Variants in ANKIB1 observed in about 807,000 individuals in gnomAD.
ANKIB1 encodes ankyrin repeat and IBR domain-containing protein 1.
A neutral mutation model predicts 122.1 loss-of-function variants in ANKIB1; 43 were observed. The ratio of observed to expected loss-of-function variants is 0.35; its 90% CI spans 0.28 to 0.45. ANKIB1 has a LOEUF of 0.45. Ranked by LOEUF, ANKIB1 falls within the 20% of genes least tolerant of loss-of-function variation. ANKIB1 has a pLI of 1.00. For synonymous variants in ANKIB1, 390 were observed against 442.0 expected, an observed-to-expected ratio of 0.88 and a Z score of 1.48; for missense variants, 992 against 1,329.5, an observed-to-expected ratio of 0.75 and a Z score of 3.95.
rs1562772807 is a variant in ANKIB1, at chr7:92,291,570, T to TTC, written c.-90-3318_-90-3317insCT. Reference sequence around the variant, plus strand: ...AACAGGCTACATTTTTCTTTTTCTTTTTTTTTTTTTTTTTTTTTGAGACAG... The same window carrying TTC: ...AACAGGCTACATTTTTCTTTTTCTTTTCTTTTTTTTTTTTTTTTTTGAGACAG... On this transcript the variant is annotated intron_variant, in intron 1 of 19. Coordinates refer to ENST00000265742, the MANE Select transcript of ANKIB1 (RefSeq NM_019004.2). 3.4e-5 allele frequency among the ~76,000 whole-genome samples: 5 copies of TTC among 145,088 alleles called. No homozygotes were observed. The East Asian group carries it at 5.9e-4, about 17-fold the overall frequency.
chr7:92,368,595 C>G (rs945851605), intron 10 of ANKIB1, among the ~76,000 whole-genome samples: 4 of 152,104 alleles, frequency 2.6e-5, no homozygotes, highest in African/African-American at 9.6e-5. Flanking sequence ...GTGGCGGGCA[C>G]CTGTAGTCCC....
At chr7:92,278,729 A>T (rs1365249104) in intron 1 of ANKIB1, among the ~76,000 whole-genome samples, 1 of 152,192 alleles carries the variant, frequency 6.6e-6, no homozygotes, top group Non-Finnish European at 1.5e-5. Flanking sequence ...TTTTGTAATG[A>T]ATTTACATAA....
At chr7:92,372,005 G>GTGTA (rs1554347441) in intron 11 of ANKIB1, among the ~76,000 whole-genome samples, 9 of 112,990 alleles carry the variant, frequency 8.0e-5, no homozygotes, top group African/African-American at 2.3e-4. Flanking sequence ...GTGTGTGTGT[G>GTGTA]TGTGTGTATC....
At chr7:92,376,629 A>G (rs1236123797) in intron 11 of ANKIB1, among the ~76,000 whole-genome samples, 1 of 151,736 alleles carries the variant, frequency 6.6e-6, no homozygotes, top group Non-Finnish European at 1.5e-5. Context: ...TTGTATTTTT[A>G]GTAGAGAAGG....
chr7:92,282,223 G>A (rs966373655), intron 1 of ANKIB1, among the ~76,000 whole-genome samples: 6 of 151,782 alleles, frequency 4.0e-5, no homozygotes, highest in Non-Finnish European at 5.9e-5. Flanking sequence ...GCGCCATCTC[G>A]GTGCACCACA....
At chr7:92,392,332 T>C (rs1466696883) in intron 17 of ANKIB1, 40 bp downstream of exon 17, 1 of 1,567,142 alleles carries the variant, frequency 6.4e-7, no homozygotes, top group Non-Finnish European at 8.8e-7. Flanking sequence ...TATTTTTTCT[T>C]AGTGCAGTCG....
intron 5 of ANKIB1, among the ~76,000 whole-genome samples, chr7:92,333,345 A>G (rs9640603): frequency 2.0e-5 from 3 of 152,264 alleles, no homozygotes; most frequent in East Asian, 3.9e-4. Flanking sequence ...GTCCCATGCT[A>G]TAGCTACACT....
intron 11 of ANKIB1, among the ~76,000 whole-genome samples, chr7:92,378,816 T>C (rs1444059205): frequency 6.6e-6 from 1 of 152,180 alleles, no homozygotes; most frequent in African/African-American, 2.4e-5. Context: ...GAAAAACTGC[T>C]ACAAACAAAA....
At chr7:92,361,868 G>GGT (rs1280925388) in intron 9 of ANKIB1, among the ~76,000 whole-genome samples, 2 of 151,666 alleles carry the variant, frequency 1.3e-5, no homozygotes, top group Admixed American at 6.6e-5. Flanking sequence ...GGAGTGCAAT[G>GGT]GTGCAATCTC....
intron 5 of ANKIB1, among the ~76,000 whole-genome samples, chr7:92,328,496 G>A (rs1450155219): frequency 6.6e-6 from 1 of 152,054 alleles, no homozygotes; most frequent in Non-Finnish European, 1.5e-5. Context: ...CTCAGTTTAA[G>A]TTCCCTATAA....
chr7:92,394,065 G>A (rs1173870501), intron 17 of ANKIB1, among the ~76,000 whole-genome samples: 1 of 152,078 alleles, frequency 6.6e-6, no homozygotes, highest in African/African-American at 2.4e-5. Flanking sequence ...AGTGGAAATA[G>A]CATAAAGTCT....
chr7:92,350,893 A>G (rs1803649426), intron 7 of ANKIB1, 57 bp from the exon 8 acceptor site: 1 of 1,483,674 alleles, frequency 6.7e-7, no homozygotes, highest in Admixed American at 2.7e-5. Flanking sequence ...AATTCTTAGA[A>G]TGTATGCACA....
chr7:92,394,254 T>C (rs1804841917), intron 17 of ANKIB1, among the ~76,000 whole-genome samples: 1 of 152,226 alleles, frequency 6.6e-6, no homozygotes, highest in African/African-American at 2.4e-5. Flanking sequence ...CAGCTCCTTA[T>C]AGCTTTTCCC....
At chr7:92,309,940 AAAATAT>A (rs1432711858) in intron 3 of ANKIB1, among the ~76,000 whole-genome samples, 5 of 105,308 alleles carry the variant, frequency 4.7e-5, no homozygotes, top group African/African-American at 1.9e-4. Context: ...AAAAAAAAAA[AAAATAT>A]ATATATATAT....
intron 5 of ANKIB1, among the ~76,000 whole-genome samples, chr7:92,330,174 T>C (rs922496702): frequency 6.6e-6 from 1 of 152,214 alleles, no homozygotes; most frequent in African/African-American, 2.4e-5. Context: ...ATAATGGGTC[T>C]ATTCCTATTT....
At chr7:92,355,451 A>T (rs1029557310) in intron 9 of ANKIB1, among the ~76,000 whole-genome samples, 2 of 152,196 alleles carry the variant, frequency 1.3e-5, no homozygotes, top group Non-Finnish European at 2.9e-5. Context: ...TTTAATCACC[A>T]GTGTGAATTG....
chr7:92,275,691 C>A (rs1441214422), intron 1 of ANKIB1, among the ~76,000 whole-genome samples: 1 of 152,112 alleles, frequency 6.6e-6, no homozygotes, highest in Admixed American at 6.5e-5. Flanking sequence ...AGTAGAAGTG[C>A]ACAAACTAAA....
At chr7:92,297,041 T>A (rs1802370213) in intron 2 of ANKIB1, among the ~76,000 whole-genome samples, 1 of 152,254 alleles carries the variant, frequency 6.6e-6, no homozygotes, top group South Asian at 2.1e-4. Context: ...CATATCATGC[T>A]GATATAATAA....
At chr7:92,297,204 T>C (rs1244726027) in intron 2 of ANKIB1, among the ~76,000 whole-genome samples, 2 of 152,238 alleles carry the variant, frequency 1.3e-5, no homozygotes, top group Non-Finnish European at 2.9e-5. Flanking sequence ...TCACAACTTG[T>C]AACTGGCGAA....
Sources: allele counts gnomAD v4.1 joint callset (sites outside exome capture counted in the v4.1 genomes callset), GRCh38; gene constraint gnomAD v4.1.1; transcripts MANE v1.5; gene names NCBI Gene and HGNC (gene_info 2026-07-23, HGNC 2026-07-21).